Variants in PPP1R12B observed in about 807,000 individuals in gnomAD.
PPP1R12B encodes protein phosphatase 1 regulatory subunit 12B, also known as myosin phosphatase target subunit 2.
PPP1R12B carries 76 observed loss-of-function variants against 126.1 expected under a neutral mutation model. The observed-to-expected ratio is 0.60, with a 90% CI of 0.50 to 0.73. The LOEUF is 0.73. Ranked by LOEUF, PPP1R12B falls within the 30% of genes least tolerant of loss-of-function variation. The pLI is 0.00. For missense variants in PPP1R12B, 1,052 were observed against 1,205.1 expected, an observed-to-expected ratio of 0.87 and a Z score of 1.88; for synonymous variants, 356 against 434.7, an observed-to-expected ratio of 0.82 and a Z score of 2.25.
At chr1:202,421,207 A>C (rs1668712567) in intron 2 of PPP1R12B, among the ~76,000 whole-genome samples, 1 of 151,772 alleles carries the variant, frequency 6.6e-6, no homozygotes, top group African/African-American at 2.4e-5. Context: ...TGCCCACCTC[A>C]GCCTCCCAAA....
rs2149059033 is a variant in PPP1R12B, at chr1:202,592,477, T to G, written c.*11917T>G. 6.6e-6 allele frequency: 1 copy of G among 152,394 alleles called. No homozygotes were observed. Among genetic ancestry groups the G allele is most frequent in the East Asian group, 1.9e-4 (1 of 5,190 alleles). 9.4% of individuals were successfully genotyped at this position (152,394 alleles called of 1,614,324 possible). ...CTCAACCAGTTCTGTAAAATGGGTTTGAGGTTGGGGATCAAGGGGACTCTC... is the reference window on the plus strand; with the variant it reads ...CTCAACCAGTTCTGTAAAATGGGTTGGAGGTTGGGGATCAAGGGGACTCTC... On this transcript the variant is annotated 3_prime_UTR_variant, in exon 24 of 24. Transcript: ENST00000608999.
intron 17 of PPP1R12B, among the ~76,000 whole-genome samples, chr1:202,496,433 T>C (rs949174250): frequency 2.0e-5 from 3 of 152,236 alleles, no homozygotes; most frequent in Non-Finnish European, 4.4e-5. Flanking sequence ...GTAGTAGTCA[T>C]TCATTATAAA....
chr1:202,486,042 C>T (rs528638816), intron 13 of PPP1R12B, among the ~76,000 whole-genome samples: 15 of 152,144 alleles, frequency 9.9e-5, no homozygotes, highest in African/African-American at 2.9e-4. Flanking sequence ...CCACTGCACC[C>T]GGCTAATTTT....
At chr1:202,413,782 G>A (rs945005775) in intron 1 of PPP1R12B, among the ~76,000 whole-genome samples, 1 of 152,078 alleles carries the variant, frequency 6.6e-6, no homozygotes, top group African/African-American at 2.4e-5. Flanking sequence ...TCAATCTGCT[G>A]TGATATATTA....
intron 18 of PPP1R12B, among the ~76,000 whole-genome samples, chr1:202,547,691 A>G (rs967187693): frequency 1.3e-5 from 2 of 152,248 alleles, no homozygotes; most frequent in Non-Finnish European, 2.9e-5. Context: ...TCAACTTTAC[A>G]TGGTTGGTTG....
chr1:202,533,056 A>G (rs957302059), intron 18 of PPP1R12B, among the ~76,000 whole-genome samples: 7 of 151,820 alleles, frequency 4.6e-5, no homozygotes, highest in East Asian at 1.9e-4. Flanking sequence ...TTCAGTAGAC[A>G]TGGGGTTTCT....
chr1:202,488,128 A>G (rs1177244753), intron 13 of PPP1R12B, among the ~76,000 whole-genome samples: 1 of 152,258 alleles, frequency 6.6e-6, no homozygotes, highest in Non-Finnish European at 1.5e-5. Flanking sequence ...AAGTAGAATA[A>G]GGATTACTTG....
At chr1:202,534,063 CT>C (rs1421142231) in intron 18 of PPP1R12B, among the ~76,000 whole-genome samples, 7 of 152,090 alleles carry the variant, frequency 4.6e-5, no homozygotes, top group African/African-American at 1.7e-4. Context: ...AAGCAAGAAG[CT>C]TTTCTCCTCC....
Position 202,434,763 on chromosome 1 carries a change from A to T in PPP1R12B, c.1249A>T (p.Arg417Trp), listed in dbSNP as rs773258070. 4.3e-6 allele frequency: 7 copies of T among 1,613,746 alleles called. No homozygotes were observed. Among genetic ancestry groups the T allele is most frequent in the Non-Finnish European group, 5.9e-6 (7 of 1,179,904 alleles). Residue 417 changes from arginine to tryptophan, a missense_variant, in exon 9 of 24, where the codon AGG (arginine) becomes TGG (tryptophan). Arg to Trp is a moderately radical substitution (Grantham distance 101). Coordinates refer to ENST00000608999, the MANE Select transcript of PPP1R12B (RefSeq NM_002481.4). ...AQNTFSASSA[R>W]RFSSGLFNKP... ...AAATACCTTCTCTGCCTCTTCTGCTAGGAGGGTGAGTACTTTTTACTTAAT... is the reference window on the plus strand; with the variant it reads ...AAATACCTTCTCTGCCTCTTCTGCTTGGAGGGTGAGTACTTTTTACTTAAT...
At chr1:202,504,353 A>T (rs1245970828) in intron 18 of PPP1R12B, among the ~76,000 whole-genome samples, 1 of 152,152 alleles carries the variant, frequency 6.6e-6, no homozygotes, top group Non-Finnish European at 1.5e-5. Flanking sequence ...AGATCGCACC[A>T]CTGCACATCA....
intron 6 of PPP1R12B, among the ~76,000 whole-genome samples, chr1:202,429,621 A>G (rs1038522051): frequency 6.6e-6 from 1 of 152,202 alleles, no homozygotes; most frequent in African/African-American, 2.4e-5. Context: ...TGAATAAGCC[A>G]TATTTTTTAC....
intron 10 of PPP1R12B, chr1:202,439,053 C>G: frequency 7.2e-7 from 1 of 1,392,440 alleles, no homozygotes; most frequent in South Asian, 1.2e-5. Flanking sequence ...ATCCTGGCCG[C>G]CAACTCCTAT....
At chr1:202,382,071 C>T (rs1410597548) in intron 1 of PPP1R12B, among the ~76,000 whole-genome samples, 8 of 152,104 alleles carry the variant, frequency 5.3e-5, no homozygotes, top group African/African-American at 1.9e-4. Context: ...GGCACATATA[C>T]ACCATGGAAT....
chr1:202,461,979 C>T (rs566282682), intron 13 of PPP1R12B, among the ~76,000 whole-genome samples: 2 of 152,244 alleles, frequency 1.3e-5, no homozygotes, highest in South Asian at 4.1e-4. Context: ...TAATTCCCTC[C>T]CACAGATTCC....
At chr1:202,540,349 T>A (rs1033294928) in intron 18 of PPP1R12B, 1 of 905,776 alleles carries the variant, frequency 1.1e-6, no homozygotes, top group Non-Finnish European at 1.6e-6. Context: ...TTTCAGAGCA[T>A]ATGGGAATCA....
rs1434365522 is a variant in PPP1R12B, at chr1:202,589,784, A to G, written c.*9224A>G. 6.6e-6 allele frequency: 1 copy of G among 152,194 alleles called. No individual in the cohort carries two copies. The highest frequency in any genetic ancestry group is 1.5e-5 in the Non-Finnish European group (1 of 68,062). 9.4% of individuals were successfully genotyped at this position (152,194 alleles called of 1,614,324 possible). On this transcript the variant is annotated 3_prime_UTR_variant, in exon 24 of 24. Transcript: ENST00000608999. ...GGACTGAAGCAGCAAGACAGGATAG[A>G]TGTTAAAGGATCTGGGCTCATGCTC...
rs559895471 is a variant in PPP1R12B, at chr1:202,529,767, A to C, written c.2491-29110A>C. On this transcript the variant is annotated intron_variant, in intron 18 of 23. Coordinates refer to ENST00000608999, the MANE Select transcript of PPP1R12B (RefSeq NM_002481.4). ...TACAGATTATAAGCACAACTTAACT[A>C]TCACAGATATCTTTGAGAACTAAAT... Among the ~76,000 whole-genome samples the C allele has an allele frequency of 2.6e-5, 4 of 152,350 alleles. No homozygotes were observed. In the South Asian group the frequency reaches 8.3e-4, roughly 32 times the overall value.
intron 14 of PPP1R12B, among the ~76,000 whole-genome samples, chr1:202,491,716 G>T (rs1330827456): frequency 1.3e-5 from 2 of 152,122 alleles, no homozygotes; most frequent in African/African-American, 4.8e-5. Context: ...CGTCTTAGAG[G>T]GAAAGATTCA....
intron 11 of PPP1R12B, among the ~76,000 whole-genome samples, chr1:202,441,263 C>CA (rs1324266992): frequency 6.0e-4 from 92 of 152,266 alleles, no homozygotes; most frequent in African/African-American, 2.0e-3. Flanking sequence ...CATCTCAGGG[C>CA]AAATGTGATC....
Sources: allele counts gnomAD v4.1 joint callset (sites outside exome capture counted in the v4.1 genomes callset), GRCh38; gene constraint gnomAD v4.1.1; transcripts MANE v1.5; gene names NCBI Gene and HGNC (gene_info 2026-07-23, HGNC 2026-07-21).